Variants in CSMD2 observed in about 807,000 individuals in gnomAD.
CSMD2 encodes the protein CUB and Sushi multiple domains 2, also known as CUB and sushi domain-containing protein 2.
CSMD2 carries 130 observed loss-of-function variants against 398.5 expected under a neutral mutation model. The observed-to-expected ratio is 0.33, with a 90% confidence interval of 0.28 to 0.38. The LOEUF is 0.38. Among genes scored for constraint, CSMD2 ranks in the 10% least tolerant of loss-of-function variants. CSMD2 has a pLI of 1.00. For missense variants in CSMD2, 3,829 were observed against 4,764.9 expected (o/e 0.80, Z 5.78); for synonymous variants, 1,828 against 1,908.5 (o/e 0.96, Z 1.10).
chr1:33,778,223 TC>T (rs1569879898), intron 12 of CSMD2, among the ~76,000 whole-genome samples: 3 of 152,178 alleles, frequency 2.0e-5, no homozygotes, highest in African/African-American at 7.2e-5. Flanking sequence ...TGAGACAGGG[TC>T]TTGCTCTGTT....
intron 25 of CSMD2, among the ~76,000 whole-genome samples, chr1:33,671,998 G>T (rs185439528): frequency 6.6e-6 from 1 of 152,060 alleles, no homozygotes; most frequent in African/African-American, 2.4e-5. Context: ...ACATGCAAAG[G>T]GGGGTGGAGC....
intron 1 of CSMD2, among the ~76,000 whole-genome samples, chr1:34,101,487 A>G (rs1384332129): frequency 6.6e-6 from 1 of 152,210 alleles, no homozygotes; most frequent in Non-Finnish European, 1.5e-5. Context: ...CACCCATTAA[A>G]CTCTCAATAG....
intron 5 of CSMD2, among the ~76,000 whole-genome samples, chr1:33,881,240 T>C (rs1231656119): frequency 6.6e-6 from 1 of 152,212 alleles, no homozygotes; most frequent in Non-Finnish European, 1.5e-5. Context: ...GTGAATCCTT[T>C]CCTGATCCTC....
chr1:33,617,110 T>A, intron 38 of CSMD2, 135 bp from the exon 39 acceptor site: 1 of 664,948 alleles, frequency 1.5e-6, no homozygotes. Context: ...ACAGATCCAC[T>A]GTGGGATGGG....
intron 29 of CSMD2, among the ~76,000 whole-genome samples, chr1:33,644,577 G>A (rs1284140912): frequency 1.3e-5 from 2 of 152,192 alleles, no homozygotes; most frequent in Non-Finnish European, 2.9e-5. Context: ...CCTCAGCTGT[G>A]TGGGTGTGGG....
chr1:33,984,613 T>C (rs1646287481), intron 3 of CSMD2, among the ~76,000 whole-genome samples: 1 of 152,146 alleles, frequency 6.6e-6, no homozygotes, highest in Non-Finnish European at 1.5e-5. Flanking sequence ...CGAGACTCTG[T>C]CTTTACAAAA....
At chr1:33,859,210 T>A (rs982238315) in intron 5 of CSMD2, among the ~76,000 whole-genome samples, 1 of 152,224 alleles carries the variant, frequency 6.6e-6, no homozygotes, top group Non-Finnish European at 1.5e-5. Context: ...CCAAAATGGG[T>A]TTCAGCAGGC....
chr1:33,636,024 A>G lies in CSMD2; in HGVS notation c.4969+336T>C, dbSNP rs1179769151. ...ATCTGATCTCTCAGTGATTTTCCCT[A>G]GGCCTAGGAACTAGTCCAGGAGCCA... is the stretch of plus-strand genomic sequence containing the variant. On this transcript the variant is annotated intron_variant, in intron 30 of 70. Coordinates refer to ENST00000373381, the MANE Select transcript of CSMD2 (RefSeq NM_001281956.2). This position sits in a 1 kb window ranked among gnomAD's most constrained non-coding sequence, Gnocchi z 4.8. Among the ~76,000 whole-genome samples, 1 of 152,064 alleles carries G rather than the reference A, an allele frequency of 6.6e-6. No homozygotes were observed. The highest frequency in any genetic ancestry group is 1.5e-5 in the Non-Finnish European group (1 of 68,014).
At chr1:33,610,075 G>A (rs755739607) in intron 41 of CSMD2, among the ~76,000 whole-genome samples, 13 of 152,158 alleles carry the variant, frequency 8.5e-5, no homozygotes, top group African/African-American at 1.9e-4. Context: ...CACCAGACAC[G>A]GAATCTGCTG....
intron 47 of CSMD2, among the ~76,000 whole-genome samples, 159 bp from the exon 48 acceptor site, chr1:33,581,058 T>C (rs966785439): frequency 6.6e-6 from 1 of 152,070 alleles, no homozygotes; most frequent in African/African-American, 2.4e-5. Context: ...TTGCTCAAGG[T>C]GCTCTTTTCT....
chr1:33,939,259 T>C (rs1455897902), intron 3 of CSMD2, among the ~76,000 whole-genome samples: 2 of 150,878 alleles, frequency 1.3e-5, no homozygotes, highest in Admixed American at 1.3e-4. Context: ...GCATCTTCTA[T>C]GATCAGTCCC....
At chr1:33,566,454 A>G (rs187056498) in intron 53 of CSMD2, among the ~76,000 whole-genome samples, 55 of 152,254 alleles carry the variant, frequency 3.6e-4, no homozygotes, top group African/African-American at 1.3e-3. Context: ...CAAAATTAAG[A>G]CCGAACATAT....
At chr1:33,724,407 G>T in intron 18 of CSMD2, 94 bp from the exon 19 acceptor site, 1 of 1,521,380 alleles carries the variant, frequency 6.6e-7, no homozygotes, top group Non-Finnish European at 9.0e-7. Flanking sequence ...TCTCTCGAAA[G>T]CCCAACCTTC....
intron 25 of CSMD2, among the ~76,000 whole-genome samples, chr1:33,682,778 T>C (rs959956987): frequency 7.2e-5 from 11 of 152,184 alleles, no homozygotes; most frequent in Non-Finnish European, 2.9e-5. Context: ...CTTTCCCTTC[T>C]ACCTCACCCA....
intron 5 of CSMD2, among the ~76,000 whole-genome samples, chr1:33,889,609 T>A (rs893594733): frequency 2.0e-5 from 3 of 152,066 alleles, no homozygotes; most frequent in African/African-American, 7.3e-5. Flanking sequence ...TTTGAAATAG[T>A]GAAAAATGCA....
chr1:34,153,732 G>T (rs1640543213), intron 1 of CSMD2, among the ~76,000 whole-genome samples: 1 of 152,204 alleles, frequency 6.6e-6, no homozygotes, highest in Admixed American at 6.5e-5. Flanking sequence ...GGATGTGGGG[G>T]CCCAGGATGG....
At chr1:33,727,525 T>C (rs552307823) in intron 15 of CSMD2, among the ~76,000 whole-genome samples, 3 of 152,244 alleles carry the variant, frequency 2.0e-5, no homozygotes, top group Non-Finnish European at 2.9e-5. Context: ...CTTTTGAAGT[T>C]ATGCAAGGTC....
chr1:34,132,466 T>G (rs1663462315), intron 1 of CSMD2, among the ~76,000 whole-genome samples: 1 of 152,184 alleles, frequency 6.6e-6, no homozygotes, highest in African/African-American at 2.4e-5. Context: ...ACTTGCTCCC[T>G]CCCCTCTGTT....
rs768343851 is a variant in CSMD2, at chr1:33,542,894, T to G, written c.9103A>C (p.Ile3035Leu). 9 of 1,613,748 alleles carry G rather than the reference T, an allele frequency of 5.6e-6. No homozygotes were observed. The highest frequency in any genetic ancestry group is 7.6e-6 in the Non-Finnish European group (9 of 1,179,832). Reference sequence around the variant, plus strand: ...GGAGTCCCAGGGTTCCCACAAGAGATCACTAGGAAGACAAAAATACACATT... The same window carrying G: ...GGAGTCCCAGGGTTCCCACAAGAGAGCACTAGGAAGACAAAAATACACATT... ...WSGSQPECGV[I>L]SCGNPGTPSN... Residue 3035 changes from isoleucine (I) to leucine (L), a missense_variant and splice_region_variant, in exon 58 of 71, where the codon ATC becomes CTC. Physicochemically the swap from Ile to Leu is conservative, Grantham distance 5. This residue lies in a region of CSMD2 where 917 missense variants were observed against 1,199.5 expected (regional missense o/e 0.76). Coordinates refer to ENST00000373381, the MANE Select transcript of CSMD2 (RefSeq NM_001281956.2).
Sources: gnomAD v4.1 joint callset for allele counts (sites outside exome capture counted in the v4.1 genomes callset) on GRCh38, gnomAD v4.1.1 for gene constraint, gnomAD v4.1.1 regional missense constraint, Gnocchi (gnomAD v3.1) non-coding constraint, MANE v1.5 for transcripts, NCBI Gene and HGNC (gene_info 2026-07-23, HGNC 2026-07-21) for gene names.